Variants in RIMKLB observed in about 807,000 individuals in gnomAD.
RIMKLB encodes the protein ribosomal modification protein rimK like family member B, also known as beta-citrylglutamate synthase B.
Under a neutral mutation model 32.0 loss-of-function variants are expected in RIMKLB, and 7 were observed. The observed-to-expected ratio is 0.22, with a 90% confidence interval of 0.12 to 0.41. RIMKLB has a LOEUF of 0.41. RIMKLB is among the 10% of genes least tolerant of loss of function. RIMKLB has a pLI of 1.00. For missense variants in RIMKLB, 289 were observed against 498.7 expected (o/e 0.58, Z 4.00); for synonymous variants, 172 against 185.1 (o/e 0.93, Z 0.57).
At chr12:8,745,099 G>A (rs1947953987) in intron 2 of RIMKLB, among the ~76,000 whole-genome samples, 1 of 151,776 alleles carries the variant, frequency 6.6e-6, no homozygotes, top group Admixed American at 6.6e-5. Context: ...GCAGTGTTTG[G>A]TTTTCTGTCC....
chr12:8,729,908 T>G (rs1055599474), intron 2 of RIMKLB, among the ~76,000 whole-genome samples: 2 of 152,242 alleles, frequency 1.3e-5, no homozygotes, highest in African/African-American at 4.8e-5. Context: ...CATTGTGGTT[T>G]TGATTTGTGT....
At chr12:8,770,516 T>G (rs1232005025) in intron 5 of RIMKLB, among the ~76,000 whole-genome samples, 2 of 152,214 alleles carry the variant, frequency 1.3e-5, no homozygotes, top group Non-Finnish European at 2.9e-5. Flanking sequence ...TTACTCCTCA[T>G]ATTCATCTTC....
chr12:8,748,520 G>GTA (rs1491412027), intron 2 of RIMKLB, among the ~76,000 whole-genome samples: 20 of 23,098 alleles, frequency 8.7e-4, no homozygotes, highest in Non-Finnish European at 5.8e-4. Flanking sequence ...GGGATTATTC[G>GTA]TGTGTGTGTG....
intron 5 of RIMKLB, among the ~76,000 whole-genome samples, chr12:8,754,783 A>ATATG (rs1180677945): frequency 2.0e-5 from 3 of 151,932 alleles, no homozygotes; most frequent in Admixed American, 6.6e-5. Flanking sequence ...ATATATGTAT[A>ATATG]TATGTATGTA....
upstream of RIMKLB, among the ~76,000 whole-genome samples, chr12:8,680,306 G>A (rs1015079063): frequency 2.6e-5 from 4 of 151,986 alleles, no homozygotes; most frequent in Admixed American, 6.6e-5. Flanking sequence ...ACAGGCGCCC[G>A]CCACCACGCC....
chr12:8,690,720 C>T (rs750965192), intron 1 of RIMKLB, among the ~76,000 whole-genome samples: 3 of 152,224 alleles, frequency 2.0e-5, no homozygotes, highest in Non-Finnish European at 1.5e-5. Flanking sequence ...GTCAGGATAT[C>T]GAGACCATCC....
At chr12:8,782,051 T>C (rs1192422034), downstream of RIMKLB, among the ~76,000 whole-genome samples, 1 of 152,080 alleles carries the variant, frequency 6.6e-6, no homozygotes, top group East Asian at 1.9e-4. Context: ...GTCTCACTCT[T>C]TCTCTACTGT....
intron 2 of RIMKLB, chr12:8,742,549 T>C (rs1452831178): frequency 5.6e-6 from 2 of 355,436 alleles, no homozygotes; most frequent in African/African-American, 4.4e-5. Context: ...TATGTATCTA[T>C]AAAAGAAAAA....
At chr12:8,731,452 GT>G (rs1317963760) in intron 2 of RIMKLB, among the ~76,000 whole-genome samples, 1 of 151,584 alleles carries the variant, frequency 6.6e-6, no homozygotes, top group East Asian at 1.9e-4. Context: ...GTTCCTGGTG[GT>G]GGTTTTTTTT....
intron 2 of RIMKLB, among the ~76,000 whole-genome samples, chr12:8,729,828 G>A (rs1946379044): frequency 6.6e-6 from 1 of 152,150 alleles, no homozygotes; most frequent in African/African-American, 2.4e-5. Context: ...CATCAAGAGT[G>A]TACAAGGGTT....
At chr12:8,734,106 G>T (rs1946793414) in intron 2 of RIMKLB, among the ~76,000 whole-genome samples, 1 of 152,182 alleles carries the variant, frequency 6.6e-6, no homozygotes, top group South Asian at 2.1e-4. Flanking sequence ...TATCTGGTAA[G>T]GCAAAGGAAT....
chr12:8,782,177 T>C (rs1339823350), downstream of RIMKLB, among the ~76,000 whole-genome samples: 2 of 152,054 alleles, frequency 1.3e-5, no homozygotes, highest in African/African-American at 4.8e-5. Flanking sequence ...ATTGTTTTTT[T>C]CTGTAATTTA....
rs760232748 is a variant in RIMKLB, at chr12:8,773,445, C to T, written c.822C>T (p.Cys274=). 12 of 1,614,064 alleles carry T rather than the reference C, an allele frequency of 7.4e-6. No individual in the cohort carries two copies. The highest frequency in any genetic ancestry group is 1.3e-5 in the African/African-American group (1 of 74,938). ...TGATGAAAGATGACGGCTCCTTCTG[C>T]GTCTGTGAGGCCAATGCAAATGTAG... The part of the protein sequence containing the change: ...DLLMKDDGSF[C]VCEANANVGF... The change falls in exon 6 of 6, where the codon TGC becomes TGT. Residue 274 remains cysteine (C), a synonymous_variant. Transcript: ENST00000535829.
At chr12:8,699,748 C>T (rs1027784013) in intron 1 of RIMKLB, 3 of 152,230 alleles carry the variant, frequency 2.0e-5, no homozygotes, top group Non-Finnish European at 4.4e-5. Flanking sequence ...TTCTCTGTCT[C>T]CCTTTTTTCT....
At position 8,723,804 on chromosome 12, in the gene RIMKLB, CTTTTTTTTTTTTT is replaced by C. The variant is rs35269536; in HGVS notation, c.175+9775_175+9787del. 5.3e-5 allele frequency among the ~76,000 whole-genome samples: 4 copies of C among 75,502 alleles called. No homozygotes were observed. In the Admixed American group the frequency reaches 6.0e-4, roughly 11 times the overall value. 49.5% of individuals were successfully genotyped at this position (75,502 alleles called of 152,430 possible). ...ATTCTCATAGGCTTTCTTCAGTTCC[CTTTTTTTTTTTTT>C]TTTTTTTTTTTGGAGACAGAGTCTT... On this transcript the variant is annotated intron_variant, in intron 2 of 5. Coordinates refer to ENST00000535829, the MANE Select transcript of RIMKLB (RefSeq NM_001297776.2).
chr12:8,704,700 A>G (rs1943695538), intron 1 of RIMKLB, among the ~76,000 whole-genome samples: 1 of 152,140 alleles, frequency 6.6e-6, no homozygotes. Context: ...TAATGCATTA[A>G]CACTTGAGCC....
chr12:8,723,021 T>A (rs1460221593), intron 2 of RIMKLB, among the ~76,000 whole-genome samples: 1 of 152,250 alleles, frequency 6.6e-6, no homozygotes, highest in African/African-American at 2.4e-5. Flanking sequence ...CTTTGCTTTC[T>A]TATCATTCAT....
intron 1 of RIMKLB, among the ~76,000 whole-genome samples, chr12:8,702,450 T>A (rs760526743): frequency 1.3e-5 from 2 of 152,252 alleles, no homozygotes; most frequent in African/African-American, 4.8e-5. Context: ...TCAAACTTGT[T>A]CCTTTCTTAA....
intron 2 of RIMKLB, among the ~76,000 whole-genome samples, chr12:8,744,554 A>T (rs1473305902): frequency 6.6e-6 from 1 of 150,502 alleles, no homozygotes; most frequent in Non-Finnish European, 1.5e-5. Flanking sequence ...CTCAAAATTT[A>T]ATCTTCTTGT....
Sources: allele counts gnomAD v4.1 joint callset (sites outside exome capture counted in the v4.1 genomes callset), GRCh38; gene constraint gnomAD v4.1.1; transcripts MANE v1.5; gene names NCBI Gene and HGNC (gene_info 2026-07-23, HGNC 2026-07-21).